PDZRN4: variants seen among roughly 807,000 people sequenced by gnomAD.
PDZRN4 encodes the protein PDZ domain containing ring finger 4.
In PDZRN4, 70 loss-of-function variants were observed where a neutral mutation model predicts 99.0. The ratio of observed to expected loss-of-function variants is 0.71; its 90% CI spans 0.58 to 0.86. The LOEUF (loss-of-function observed/expected upper bound fraction) is 0.86, where lower values mean the gene tolerates loss of function less well. PDZRN4 is among the 40% of genes least tolerant of loss of function. The pLI, the probability that PDZRN4 is intolerant of heterozygous loss-of-function variation, is 0.00. For missense variants in PDZRN4, 1,474 were observed against 1,331.2 expected, an observed-to-expected ratio of 1.11 and a Z score of -1.67; for synonymous variants, 551 against 501.6, an observed-to-expected ratio of 1.10 and a Z score of -1.32.
intron 6 of PDZRN4, among the ~76,000 whole-genome samples, chr12:41,555,014 C>T (rs1417549366): frequency 3.5e-5 from 5 of 142,698 alleles, no homozygotes; most frequent in South Asian, 2.2e-4. Context: ...CAAGACCATC[C>T]GGGCTAACAC....
intron 5 of PDZRN4, among the ~76,000 whole-genome samples, chr12:41,512,849 A>G (rs896874237): frequency 6.6e-6 from 1 of 152,064 alleles, no homozygotes; most frequent in Non-Finnish European, 1.5e-5. Flanking sequence ...GTGCTATGGC[A>G]ATTTTCTTCT....
chr12:41,240,930 T>A (rs545093463), intron 3 of PDZRN4, among the ~76,000 whole-genome samples: 1 of 152,256 alleles, frequency 6.6e-6, no homozygotes, highest in South Asian at 2.1e-4. Context: ...GACCATAGCG[T>A]ATATAAACTA....
At chr12:41,243,664 T>G (rs1237169333) in intron 3 of PDZRN4, among the ~76,000 whole-genome samples, 1 of 152,162 alleles carries the variant, frequency 6.6e-6, no homozygotes, top group Admixed American at 6.5e-5. Context: ...AAAATTATCT[T>G]TCATACTTTA....
chr12:41,436,519 G>A (rs923269385), intron 3 of PDZRN4, among the ~76,000 whole-genome samples: 2 of 152,134 alleles, frequency 1.3e-5, no homozygotes, highest in African/African-American at 2.4e-5. Context: ...AACCAGAGTC[G>A]TCAGTTTCCA....
At chr12:41,312,176 T>C (rs1951611069) in intron 3 of PDZRN4, among the ~76,000 whole-genome samples, 1 of 152,118 alleles carries the variant, frequency 6.6e-6, no homozygotes, top group South Asian at 2.1e-4. Context: ...TTCATGATCA[T>C]TATATTTCAT....
rs141939622 is a variant in PDZRN4, at chr12:41,489,975, T to G, written c.844-16481T>G. Among the ~76,000 whole-genome samples the G allele has an allele frequency of 1.8e-3, 273 of 152,122 alleles. 1 individual carries two copies. Among genetic ancestry groups the G allele is most frequent in the African/African-American group, 6.2e-3 (257 of 41,464 alleles). ...TTTAAATTAACAACCATTTCCTATA[T>G]ACTGTACAGTGATTAATTAACTGAT... On this transcript the variant is annotated intron_variant, in intron 3 of 9. Transcript: ENST00000402685.
At chr12:41,522,432 A>T (rs984499633) in intron 5 of PDZRN4, among the ~76,000 whole-genome samples, 22 of 152,146 alleles carry the variant, frequency 1.4e-4, no homozygotes, top group African/African-American at 5.1e-4. Flanking sequence ...ACCTTAACAT[A>T]TTTTTTTGGA....
At chr12:41,331,526 A>C (rs1006800269) in intron 3 of PDZRN4, among the ~76,000 whole-genome samples, 10 of 152,082 alleles carry the variant, frequency 6.6e-5, no homozygotes. Context: ...GGAAAAAAAG[A>C]AGCTCTGTGG....
intron 3 of PDZRN4, among the ~76,000 whole-genome samples, chr12:41,419,062 G>A (rs1471040874): frequency 1.3e-5 from 2 of 152,184 alleles, no homozygotes; most frequent in African/African-American, 4.8e-5. Flanking sequence ...ATTTTCCACA[G>A]GAAATGAGAG....
intron 3 of PDZRN4, among the ~76,000 whole-genome samples, chr12:41,250,850 G>A (rs1951164867): frequency 6.6e-6 from 1 of 152,138 alleles, no homozygotes; most frequent in Non-Finnish European, 1.5e-5. Context: ...GTTATTGTTT[G>A]TCAACCCTCC....
At chr12:41,514,122 A>G (rs1283513804) in intron 5 of PDZRN4, among the ~76,000 whole-genome samples, 1 of 152,102 alleles carries the variant, frequency 6.6e-6, no homozygotes, top group Non-Finnish European at 1.5e-5. Context: ...AAGAGGTATT[A>G]AAAGTGGAAA....
At chr12:41,476,134 T>C (rs1195189424) in intron 3 of PDZRN4, among the ~76,000 whole-genome samples, 1 of 152,212 alleles carries the variant, frequency 6.6e-6, no homozygotes, top group East Asian at 1.9e-4. Context: ...TTAGTATCCC[T>C]GTAAGTACAT....
At chr12:41,553,190 A>G (rs140736581) in intron 6 of PDZRN4, among the ~76,000 whole-genome samples, 1 of 152,242 alleles carries the variant, frequency 6.6e-6, no homozygotes, top group Admixed American at 6.5e-5. Context: ...GCATTGATAC[A>G]GTTGAATACC....
intron 8 of PDZRN4, 118 bp from the exon 9 acceptor site, chr12:41,567,665 T>C (rs1282700192): frequency 2.1e-6 from 1 of 480,140 alleles, no homozygotes; most frequent in East Asian, 3.5e-5. Flanking sequence ...GAGGCTGGTA[T>C]TCTGAAGAGA....
intron 3 of PDZRN4, among the ~76,000 whole-genome samples, chr12:41,196,662 A>G (rs1950775250): frequency 1.3e-5 from 2 of 152,014 alleles, no homozygotes; most frequent in African/African-American, 2.4e-5. Flanking sequence ...TCCCTATGTA[A>G]TCATTAAAGT....
At chr12:41,248,438 A>T (rs1274027304) in intron 3 of PDZRN4, among the ~76,000 whole-genome samples, 1 of 152,192 alleles carries the variant, frequency 6.6e-6, no homozygotes, top group African/African-American at 2.4e-5. Context: ...ATAACATTTT[A>T]ATTGCTTGAA....
At chr12:41,230,509 C>T (rs961151245) in intron 3 of PDZRN4, among the ~76,000 whole-genome samples, 2 of 152,058 alleles carry the variant, frequency 1.3e-5, no homozygotes, top group African/African-American at 4.8e-5. Flanking sequence ...GCTGGATTAT[C>T]TTTATTTCTG....
intron 3 of PDZRN4, among the ~76,000 whole-genome samples, chr12:41,493,705 C>T (rs986632957): frequency 2.0e-5 from 3 of 152,028 alleles, no homozygotes; most frequent in Admixed American, 2.0e-4. Context: ...TGATTGTGTC[C>T]ACGAAGGTAA....
chr12:41,521,037 A>G (rs1371506064), intron 5 of PDZRN4, among the ~76,000 whole-genome samples: 3 of 152,266 alleles, frequency 2.0e-5, no homozygotes, highest in African/African-American at 7.2e-5. Context: ...TAGAAGTCAC[A>G]GTTTTGGAAC....
Sources: allele counts gnomAD v4.1 joint callset (sites outside exome capture counted in the v4.1 genomes callset), GRCh38; gene constraint gnomAD v4.1.1; transcripts MANE v1.5; gene names NCBI Gene and HGNC (gene_info 2026-07-23, HGNC 2026-07-21).